CERS6: variants seen among roughly 807,000 people sequenced by gnomAD.
The protein encoded by CERS6 is ceramide synthase 6.
In CERS6, 26 loss-of-function variants were observed where a neutral mutation model predicts 56.8. That is an observed-to-expected ratio of 0.46 (90% CI 0.34 to 0.63). CERS6 has a LOEUF of 0.63. Among genes scored for constraint, CERS6 ranks in the 30% least tolerant of loss-of-function variants. The pLI, the probability that CERS6 is intolerant of heterozygous loss-of-function variation, is 0.01. For missense variants in CERS6, 415 were observed against 467.5 expected, an observed-to-expected ratio of 0.89 and a Z score of 1.04; for synonymous variants, 164 against 173.3, an observed-to-expected ratio of 0.95 and a Z score of 0.42.
chr2:168,692,589 C>T (rs1222868169), intron 5 of CERS6, among the ~76,000 whole-genome samples: 1 of 152,174 alleles, frequency 6.6e-6, no homozygotes. Context: ...GGAAACACCA[C>T]GTGTATGGAA....
chr2:168,638,066 A>G (rs1057101011), intron 4 of CERS6, among the ~76,000 whole-genome samples: 16 of 152,092 alleles, frequency 1.1e-4, no homozygotes, highest in Admixed American at 8.5e-4. Flanking sequence ...TTGGTCTGAA[A>G]AAAAAAATTC....
chr2:168,670,732 A>G (rs1685886200), intron 4 of CERS6, among the ~76,000 whole-genome samples: 1 of 152,096 alleles, frequency 6.6e-6, no homozygotes, highest in Admixed American at 6.5e-5. Context: ...TCTTCCCTGC[A>G]CACCCTCTGA....
intron 1 of CERS6, among the ~76,000 whole-genome samples, chr2:168,488,598 T>C (rs1468122312): frequency 6.6e-6 from 1 of 152,142 alleles, no homozygotes; most frequent in Non-Finnish European, 1.5e-5. Flanking sequence ...GTTATTTGTT[T>C]TCCGTGTATT....
chr2:168,604,831 G>A (rs1440471466), intron 3 of CERS6, among the ~76,000 whole-genome samples: 1 of 152,170 alleles, frequency 6.6e-6, no homozygotes, highest in Admixed American at 6.6e-5. Flanking sequence ...GTAGAACCAT[G>A]AGCCAATTAA....
In CERS6 at chr2:168,563,873, A is replaced by G. The variant is rs922286310; in HGVS notation, c.407+2551A>G. Among the ~76,000 whole-genome samples, 13 of 152,126 alleles carry G rather than the reference A, an allele frequency of 8.5e-5. No homozygotes were observed. In the East Asian group the frequency reaches 2.6e-3, roughly 30 times the overall value. ...AGTAAAGATTAAAGGGAAAGGATCA[A>G]CTGTAGGTTGGGGTGCACGGGGGGT... On this transcript the variant is annotated intron_variant, in intron 3 of 9. Transcript: ENST00000305747.
chr2:168,633,514 C>T (rs1429696567), intron 4 of CERS6, among the ~76,000 whole-genome samples: 1 of 152,128 alleles, frequency 6.6e-6, no homozygotes, highest in African/African-American at 2.4e-5. Context: ...TATTCCAGAG[C>T]TCTCTCCAGT....
At chr2:168,571,647 C>T (rs1695989365) in intron 3 of CERS6, among the ~76,000 whole-genome samples, 2 of 152,010 alleles carry the variant, frequency 1.3e-5, no homozygotes, top group African/African-American at 4.8e-5. Context: ...CAATTGGAGC[C>T]AACTACTTTT....
intron 1 of CERS6, among the ~76,000 whole-genome samples, chr2:168,501,434 G>T (rs1437507601): frequency 6.6e-6 from 1 of 152,222 alleles, no homozygotes; most frequent in Admixed American, 6.5e-5. Flanking sequence ...AATGGAAGCT[G>T]TAAGAAGATT....
chr2:168,456,304 C>T lies in CERS6; in HGVS notation c.-145C>T, dbSNP rs1485231523. 11 of 311,402 alleles carry T rather than the reference C, an allele frequency of 3.5e-5. No individual in the cohort carries two copies. Among genetic ancestry groups the T allele is most frequent in the Non-Finnish European group, 5.1e-5 (10 of 196,844 alleles). The allele number at this position is 311,402 out of a possible 1,614,324, so 19.3% of individuals were successfully genotyped here. Reference sequence around the variant, plus strand: ...GCCGCGAGCCTTCGAGAGCAGCGGCCGCGGAGGAGGCGGCGGCGGCGGGCG... The same window carrying T: ...GCCGCGAGCCTTCGAGAGCAGCGGCTGCGGAGGAGGCGGCGGCGGCGGGCG... On this transcript the variant is annotated 5_prime_UTR_variant, in exon 1 of 10. Transcript: ENST00000305747. This position sits in a 1 kb window ranked among gnomAD's most constrained non-coding sequence, Gnocchi z 4.1.
chr2:168,730,236 C>T (rs558999291), intron 8 of CERS6, among the ~76,000 whole-genome samples: 5 of 152,246 alleles, frequency 3.3e-5, no homozygotes, highest in Non-Finnish European at 5.9e-5. Context: ...ATAAGTCCTG[C>T]CTTTATCCAC....
chr2:168,682,349 CAG>C (rs1422770751), intron 4 of CERS6, among the ~76,000 whole-genome samples: 9 of 152,124 alleles, frequency 5.9e-5, no homozygotes, highest in African/African-American at 2.2e-4. Flanking sequence ...AATTATTACT[CAG>C]AGATTACCAC....
intron 1 of CERS6, among the ~76,000 whole-genome samples, chr2:168,540,801 A>C (rs546037843): frequency 7.2e-5 from 11 of 152,016 alleles, no homozygotes; most frequent in African/African-American, 2.7e-4. Flanking sequence ...TTTTCTTTTT[A>C]TCTTTGGTTT....
intron 3 of CERS6, among the ~76,000 whole-genome samples, chr2:168,614,577 G>T (rs10178507): frequency 0.29 from 44,723 of 151,940 alleles, 7,476 homozygotes; most frequent in African/African-American, 0.46. Context: ...TGGAAGCTGG[G>T]TGATGCCTGT....
At chr2:168,586,320 A>G (rs1265737042) in intron 3 of CERS6, among the ~76,000 whole-genome samples, 1 of 152,184 alleles carries the variant, frequency 6.6e-6, no homozygotes, top group Non-Finnish European at 1.5e-5. Flanking sequence ...TACTAAAACA[A>G]CGTTTCTTTC....
intron 1 of CERS6, among the ~76,000 whole-genome samples, chr2:168,498,079 C>T (rs911602114): frequency 3.3e-5 from 5 of 152,108 alleles, no homozygotes. Context: ...GCAGAAGAAC[C>T]ACAATGTAAA....
chr2:168,717,691 G>A (rs1048524844), intron 7 of CERS6, among the ~76,000 whole-genome samples, 181 bp from the exon 8 acceptor site: 2 of 152,068 alleles, frequency 1.3e-5, no homozygotes, highest in African/African-American at 4.8e-5. Context: ...TCAACTTACG[G>A]GTAATTTATA....
At chr2:168,657,881 G>C (rs1445064438) in intron 4 of CERS6, among the ~76,000 whole-genome samples, 4 of 152,238 alleles carry the variant, frequency 2.6e-5, no homozygotes, top group African/African-American at 9.6e-5. Context: ...CCAGAAAGTG[G>C]CTCCCACAGT....
chr2:168,607,160 T>A (rs1684071978), intron 3 of CERS6, among the ~76,000 whole-genome samples: 1 of 151,606 alleles, frequency 6.6e-6, no homozygotes, highest in South Asian at 2.1e-4. Flanking sequence ...CATTTTTAAA[T>A]GGTTATATAA....
At chr2:168,541,064 G>A (rs1426755150) in intron 1 of CERS6, among the ~76,000 whole-genome samples, 1 of 152,186 alleles carries the variant, frequency 6.6e-6, no homozygotes, top group African/African-American at 2.4e-5. Flanking sequence ...AAGGTGAAGG[G>A]GAGCTGGCAT....
Sources: allele counts gnomAD v4.1 joint callset (sites outside exome capture counted in the v4.1 genomes callset), GRCh38; gene constraint gnomAD v4.1.1; non-coding constraint Gnocchi (gnomAD v3.1); transcripts MANE v1.5; gene names NCBI Gene and HGNC (gene_info 2026-07-23, HGNC 2026-07-21).